Variants in PPP1R16A observed in about 807,000 individuals in gnomAD.
The protein encoded by PPP1R16A is protein phosphatase 1 regulatory subunit 16A.
PPP1R16A carries 39 observed loss-of-function variants against 46.6 expected under a neutral mutation model. That is an observed-to-expected ratio of 0.84 (90% confidence interval 0.65 to 1.09). PPP1R16A has a LOEUF of 1.09. Among genes scored for constraint, PPP1R16A ranks in the 50% least tolerant of loss-of-function variants. The pLI is 0.00. For synonymous variants in PPP1R16A, 413 were observed against 321.5 expected (o/e 1.28, Z -3.04); for missense variants, 798 against 735.6 (o/e 1.08, Z -0.98).
At position 144,497,002 on chromosome 8, in the gene PPP1R16A, C is replaced by T; in HGVS notation, c.-193C>T. The T allele has an allele frequency of 1.4e-6, 1 of 712,734 alleles. No individual in the cohort carries two copies. The highest frequency in any genetic ancestry group is 2.3e-6 in the Non-Finnish European group (1 of 438,110). The allele number at this position is 712,734 out of a possible 1,614,324, so 44.2% of individuals were successfully genotyped here. A position where few individuals can be genotyped will look rare whatever the true frequency, so the allele number is the denominator to read the frequency against. On this transcript the variant is annotated 5_prime_UTR_variant, in exon 3 of 12. Coordinates refer to ENST00000435887, the MANE Select transcript of PPP1R16A (RefSeq NM_001329443.2). Reference sequence around the variant, plus strand: ...CCACACTGCCCTCCCTGCCCCGGCCCATGCCCCCCAGGGCTGCCTGGGCCT... The same window carrying T: ...CCACACTGCCCTCCCTGCCCCGGCCTATGCCCCCCAGGGCTGCCTGGGCCT...
chr8:144,488,385 A>G (rs1488963597), intron 1 of PPP1R16A, among the ~76,000 whole-genome samples: 3 of 152,124 alleles, frequency 2.0e-5, no homozygotes, highest in Non-Finnish European at 4.4e-5. Context: ...GTTCAGAGTC[A>G]CTGGGGCTGT....
intron 2 of PPP1R16A, among the ~76,000 whole-genome samples, chr8:144,494,001 C>G (rs377507078): frequency 1.2e-4 from 19 of 152,206 alleles, no homozygotes; most frequent in African/African-American, 3.6e-4. Flanking sequence ...GGATGTGCCT[C>G]GGAATGAGAA....
At position 144,500,499 on chromosome 8, in the gene PPP1R16A, G is replaced by A. The variant is rs1826368706; in HGVS notation, c.718G>A (p.Ala240Thr). Reference protein sequence around the residue: ...DHGATLLHVAAANGFSEAAAL... With the variant: ...DHGATLLHVATANGFSEAAAL... The stretch of plus-strand genomic sequence containing the variant: ...CGCTTGCCTGCAGCTGCACGTCGCA[G>A]CCGCCAACGGGTTCAGCGAGGCGGC... The change falls in exon 8 of 12, where the codon GCC becomes ACC. Residue 240 changes from alanine to threonine, a missense_variant. Ala to Thr is a moderately conservative substitution (Grantham distance 58). Transcript: ENST00000435887. 1 of 1,585,902 alleles carries A rather than the reference G, an allele frequency of 6.3e-7. No homozygotes were observed. The highest frequency in any genetic ancestry group is 8.5e-7 in the Non-Finnish European group (1 of 1,174,296).
chr8:144,492,149 C>T (rs1030739698), intron 2 of PPP1R16A, among the ~76,000 whole-genome samples: 2 of 152,132 alleles, frequency 1.3e-5, no homozygotes, highest in African/African-American at 2.4e-5. Flanking sequence ...CCGGGGCTCC[C>T]GTGCTGACCG....
At chr8:144,481,264 C>G (rs1261147903) in intron 1 of PPP1R16A, among the ~76,000 whole-genome samples, 1 of 152,154 alleles carries the variant, frequency 6.6e-6, no homozygotes, top group African/African-American at 2.4e-5. Flanking sequence ...TTCTCTCGTG[C>G]TCCTCTGTGG....
At chr8:144,482,187 C>G (rs1441402643) in intron 1 of PPP1R16A, among the ~76,000 whole-genome samples, 1 of 152,100 alleles carries the variant, frequency 6.6e-6, no homozygotes, top group Non-Finnish European at 1.5e-5. Flanking sequence ...ATTCTTCTGC[C>G]TCAGCCTCCC....
intron 11 of PPP1R16A, 45 bp from the exon 12 acceptor site, chr8:144,501,475 G>A (rs369149626): frequency 2.3e-5 from 34 of 1,491,128 alleles, no homozygotes; most frequent in Middle Eastern, 3.5e-4. Context: ...GGCCAGGGAG[G>A]GGGGAGGAGC....
intron 1 of PPP1R16A, among the ~76,000 whole-genome samples, chr8:144,485,523 C>CG (rs1554888293): frequency 1.3e-4 from 14 of 104,126 alleles, no homozygotes; most frequent in Non-Finnish European, 2.3e-4. Flanking sequence ...CACTCCATCT[C>CG]GGGAAAAAAA....
At chr8:144,501,032 C>CGGAGT in intron 10 of PPP1R16A, 61 bp downstream of exon 10, 1 of 1,505,300 alleles carries the variant, frequency 6.6e-7, no homozygotes, top group Non-Finnish European at 8.9e-7. Flanking sequence ...CAGCCCCGGG[C>CGGAGT]GGAGTGCCAG....
intron 5 of PPP1R16A, 85 bp from the exon 6 acceptor site, chr8:144,500,011 G>A: frequency 1.4e-6 from 2 of 1,412,288 alleles, no homozygotes; most frequent in Non-Finnish European, 9.7e-7. Flanking sequence ...TGGGCTGAGG[G>A]GCCCTGGCGG....
Position 144,482,679 on chromosome 8 carries a change from C to A in PPP1R16A, c.-914+4552C>A, listed in dbSNP as rs1276963671. Among the ~76,000 whole-genome samples the A allele has an allele frequency of 2.2e-5, 3 of 136,822 alleles. No homozygotes were observed. The Admixed American group carries it at 2.3e-4, about 10-fold the overall frequency. 89.8% of individuals were successfully genotyped at this position (136,822 alleles called of 152,430 possible). On this transcript the variant is annotated intron_variant, in intron 1 of 11. Coordinates refer to ENST00000435887, the MANE Select transcript of PPP1R16A (RefSeq NM_001329443.2). ...ACTTTTTTTTTTTTTTTTTTTGGGA[C>A]AGTCTCACTCTATCGCCAGGCTAGA...
chr8:144,483,562 G>A lies in PPP1R16A; in HGVS notation c.-914+5435G>A, dbSNP rs1299531752. On this transcript the variant is annotated intron_variant, in intron 1 of 11. Coordinates refer to ENST00000435887, the MANE Select transcript of PPP1R16A (RefSeq NM_001329443.2). ...GTAGCTGAGACTACAGGTGCATGCC[G>A]CCACGACCGGCTTTTGTATTTTTAG... 3.9e-5 allele frequency among the ~76,000 whole-genome samples: 6 copies of A among 152,082 alleles called. No homozygotes were observed. The South Asian group carries it at 8.3e-4, about 21-fold the overall frequency.
At chr8:144,485,883 TCCATCTGTATGGTTTCA>T (rs968120954) in intron 1 of PPP1R16A, among the ~76,000 whole-genome samples, 1 of 152,204 alleles carries the variant, frequency 6.6e-6, no homozygotes, top group Non-Finnish European at 1.5e-5. Context: ...TGGTATGTTC[TCCATCTGTATGGTTTCA>T]CCATTACGAG....
intron 1 of PPP1R16A, among the ~76,000 whole-genome samples, chr8:144,484,258 G>A (rs1217188291): frequency 6.6e-6 from 1 of 152,258 alleles, no homozygotes; most frequent in Non-Finnish European, 1.5e-5. Context: ...CTGGGTTACA[G>A]CGCCGACCCC....
chr8:144,493,191 A>G lies in PPP1R16A; in HGVS notation c.-735+2979A>G, dbSNP rs1257518177. Reference sequence around the variant, plus strand: ...GTGGGGGTCGGGGACAGTGCCCAGTATCCTCCATGGGGCTCCTCCCGCCTG... The same window carrying G: ...GTGGGGGTCGGGGACAGTGCCCAGTGTCCTCCATGGGGCTCCTCCCGCCTG... On this transcript the variant is annotated intron_variant, in intron 2 of 11. Coordinates refer to ENST00000435887, the MANE Select transcript of PPP1R16A (RefSeq NM_001329443.2). The surrounding 1 kb of genome is among the most constrained non-coding windows in gnomAD (Gnocchi z 4.3). 6.6e-6 allele frequency among the ~76,000 whole-genome samples: 1 copy of G among 152,052 alleles called. No homozygotes were observed. The highest frequency in any genetic ancestry group is 2.4e-5 in the African/African-American group (1 of 41,394).
intron 10 of PPP1R16A, 54 bp from the exon 11 acceptor site, chr8:144,501,075 G>T: frequency 6.3e-7 from 1 of 1,576,298 alleles, no homozygotes. Flanking sequence ...GGGGGTGGGC[G>T]GGGTCCTCCG....
rs570171561 is a variant in PPP1R16A at position 144,501,287 on chromosome 8, C to A, written c.1196C>A (p.Pro399His). The change falls in exon 11 of 12, where the codon CCC (proline) becomes CAC (histidine). Residue 399 changes from proline (P) to histidine (H), a missense_variant. Coordinates refer to ENST00000435887, the MANE Select transcript of PPP1R16A (RefSeq NM_001329443.2). The stretch of plus-strand genomic sequence containing the variant: ...ACAGGCGCAGAGCTCAGGCCGCCGC[C>A]CCCGGAGGTGAGCGCCCCGTCCCTG... ...RQTGAELRPP[P>H]PEEDNPEVVR... 125 of 1,586,114 alleles carry A rather than the reference C, an allele frequency of 7.9e-5. 1 individual carries two copies. The East Asian group carries it at 2.1e-3, about 26-fold the overall frequency.
chr8:144,500,149 GTGA>G lies in PPP1R16A; in HGVS notation c.537_539del (p.Asp179del), dbSNP rs749645576. The stretch of plus-strand genomic sequence containing the variant: ...GACGGGAACATGCCCTATGACCTGT[GTGA>G]TGATGAGCAGACGCTGGACTGCCTG... On this transcript the variant is annotated inframe_deletion, in exon 6 of 12. Coordinates refer to ENST00000435887, the MANE Select transcript of PPP1R16A (RefSeq NM_001329443.2). 6.2e-7 allele frequency: 1 copy of G among 1,612,418 alleles called. No homozygotes were observed. The highest frequency in any genetic ancestry group is 2.2e-5 in the East Asian group (1 of 44,826).
intron 7 of PPP1R16A, 21 bp downstream of exon 7, chr8:144,500,412 G>A: frequency 6.6e-7 from 1 of 1,518,296 alleles, no homozygotes; most frequent in South Asian, 1.2e-5. Context: ...GGGGGTGAGG[G>A]GCACACGGGG....
Sources: gnomAD v4.1 joint callset for allele counts (sites outside exome capture counted in the v4.1 genomes callset) on GRCh38, gnomAD v4.1.1 for gene constraint, Gnocchi (gnomAD v3.1) non-coding constraint, MANE v1.5 for transcripts, NCBI Gene and HGNC (gene_info 2026-07-23, HGNC 2026-07-21) for gene names.